WDR19: variants seen among roughly 807,000 people sequenced by gnomAD.
The protein encoded by WDR19 is WD repeat domain 19.
Under a neutral mutation model 180.0 loss-of-function variants are expected in WDR19, and 121 were observed. That is an observed-to-expected ratio of 0.67 (90% CI 0.58 to 0.78). The LOEUF (loss-of-function observed/expected upper bound fraction) is 0.78, where lower values mean the gene tolerates loss of function less well. Among genes scored for constraint, WDR19 ranks in the 30% least tolerant of loss-of-function variants. The pLI, the probability that WDR19 is intolerant of heterozygous loss-of-function variation, is 0.00. For synonymous variants in WDR19, 497 were observed against 540.7 expected, an observed-to-expected ratio of 0.92 and a Z score of 1.12; for missense variants, 1,450 against 1,640.7, an observed-to-expected ratio of 0.88 and a Z score of 2.01.
Position 39,266,403 on chromosome 4 carries a change from C to T in WDR19, c.3261+263C>T, listed in dbSNP as rs187063730. ...TAAAAAAAAAATCGCAAAAAAAACT[C>T]ATAATGTTTTAAGAAAGTTTACAAA... On this transcript the variant is annotated intron_variant, in intron 29 of 36. Coordinates refer to ENST00000399820, the MANE Select transcript of WDR19 (RefSeq NM_025132.4). Among the ~76,000 whole-genome samples, 436 of 152,248 alleles carry T rather than the reference C, an allele frequency of 2.9e-3. 4 individuals are homozygous for T. The highest frequency in any genetic ancestry group is 6.8e-3 in the Middle Eastern group (2 of 294).
chr4:39,185,900 T>G (rs968560136), intron 2 of WDR19, 83 bp downstream of exon 2: 4 of 908,888 alleles, frequency 4.4e-6, no homozygotes, highest in African/African-American at 2.3e-5. Flanking sequence ...TTTTTTGTTG[T>G]TGTTTTTTTT....
intron 19 of WDR19, among the ~76,000 whole-genome samples, chr4:39,232,560 G>A (rs1730988981): frequency 2.0e-5 from 3 of 152,072 alleles, no homozygotes; most frequent in Non-Finnish European, 2.9e-5. Context: ...GGGAGGTGGA[G>A]GTTGCAGTGA....
At chr4:39,216,317 T>C in intron 12 of WDR19, 107 bp downstream of exon 12, 1 of 870,398 alleles carries the variant, frequency 1.1e-6, no homozygotes, top group East Asian at 2.9e-5. Context: ...TCTTTTTTAT[T>C]CACATATCTC....
rs1428236221 is a variant in WDR19 at position 39,185,797 on chromosome 4, A to G, written c.78A>G (p.Gly26=). The part of the protein sequence containing the change: ...PIQFAWQKTS[G]NYLAVTGADY... ...AGTTTGCCTGGCAAAAAACATCAGG[A>G]AACTACCTTGCAGTAACAGGGTAAG... is the stretch of plus-strand genomic sequence containing the variant. Residue 26 remains glycine (G), a synonymous_variant, in exon 2 of 37, where the codon GGA becomes GGG. Coordinates refer to ENST00000399820, the MANE Select transcript of WDR19 (RefSeq NM_025132.4). 37 of 1,555,228 alleles carry G rather than the reference A, an allele frequency of 2.4e-5. No individual in the cohort carries two copies. Among genetic ancestry groups the G allele is most frequent in the Non-Finnish European group, 3.2e-5 (37 of 1,148,508 alleles).
At chr4:39,246,116 G>A (rs191555205) in intron 24 of WDR19, among the ~76,000 whole-genome samples, 287 of 152,280 alleles carry the variant, frequency 1.9e-3, no homozygotes, top group Non-Finnish European at 2.7e-3. Context: ...CTCACTAATA[G>A]TAATTAAATT....
intron 15 of WDR19, among the ~76,000 whole-genome samples, chr4:39,226,488 G>A (rs891508339): frequency 6.6e-6 from 1 of 152,142 alleles, no homozygotes; most frequent in African/African-American, 2.4e-5. Flanking sequence ...AAACAGTTCG[G>A]CCACTAGTCC....
intron 9 of WDR19, among the ~76,000 whole-genome samples, chr4:39,206,729 T>C (rs1309584917): frequency 6.6e-6 from 1 of 152,182 alleles, no homozygotes; most frequent in South Asian, 2.1e-4. Context: ...AACTGAGACA[T>C]AGATCATAGC....
At chr4:39,242,602 T>G (rs906727378) in intron 21 of WDR19, among the ~76,000 whole-genome samples, 1 of 152,118 alleles carries the variant, frequency 6.6e-6, no homozygotes, top group African/African-American at 2.4e-5. Flanking sequence ...GTGGGAGGAA[T>G]GCTTGACACC....
intron 4 of WDR19, among the ~76,000 whole-genome samples, chr4:39,190,690 A>G (rs761190051): frequency 6.6e-6 from 1 of 152,318 alleles, no homozygotes; most frequent in Middle Eastern, 3.4e-3. Flanking sequence ...GATACAACCT[A>G]GTGAGTGTAG....
chr4:39,268,596 G>C lies in WDR19; in HGVS notation c.3358+505G>C, dbSNP rs753296969. Among the ~76,000 whole-genome samples, 94 of 152,304 alleles carry C rather than the reference G, an allele frequency of 6.2e-4. 1 individual carries two copies. The highest frequency in any genetic ancestry group is 1.8e-3 in the Admixed American group (27 of 15,298). ...ATTGAGTGAGTAAGAGGATTAGTCT[G>C]ATATCTTCATTAATTTTTATGAGCT... On this transcript the variant is annotated intron_variant, in intron 30 of 36. Transcript: ENST00000399820.
At chr4:39,198,815 C>T (rs1727060699) in intron 5 of WDR19, among the ~76,000 whole-genome samples, 1 of 152,172 alleles carries the variant, frequency 6.6e-6, no homozygotes, top group African/African-American at 2.4e-5. Flanking sequence ...GCCTGGCCAA[C>T]ATGGTGAAAC....
intron 19 of WDR19, among the ~76,000 whole-genome samples, chr4:39,232,853 A>G (rs541324953): frequency 2.8e-4 from 42 of 152,318 alleles, no homozygotes; most frequent in Admixed American, 6.5e-4. Context: ...ATTAATTATA[A>G]TGTTAATCAT....
At chr4:39,207,843 T>C (rs1179105068) in intron 9 of WDR19, among the ~76,000 whole-genome samples, 1 of 152,058 alleles carries the variant, frequency 6.6e-6, no homozygotes, top group Non-Finnish European at 1.5e-5. Context: ...GTAAATATAA[T>C]AGACATTTTT....
At position 39,254,064 on chromosome 4, in the gene WDR19, A is replaced by G. The variant is rs573752591; in HGVS notation, c.3001+34A>G. The G allele has an allele frequency of 6.3e-5, 100 of 1,591,258 alleles. 2 individuals are homozygous for G. In the South Asian group the frequency reaches 9.3e-4, roughly 15 times the overall value. On this transcript the variant is annotated intron_variant, in intron 26 of 36. Coordinates refer to ENST00000399820, the MANE Select transcript of WDR19 (RefSeq NM_025132.4). ...CATTTTTTCCCTGGTTCTCTTCAAG[A>G]TGTTTATCATAAAAACACTTTGTCT...
At chr4:39,227,695 C>A (rs28439323) in intron 15 of WDR19, among the ~76,000 whole-genome samples, 9,309 of 152,172 alleles carry the variant, frequency 0.061, 947 homozygotes, top group African/African-American at 0.21. Context: ...ATCCTGGAAC[C>A]AATCCCTCAT....
chr4:39,191,759 C>T (rs1726169232), intron 4 of WDR19, among the ~76,000 whole-genome samples: 1 of 152,132 alleles, frequency 6.6e-6, no homozygotes, highest in South Asian at 2.1e-4. Context: ...ACTAGGTATC[C>T]TACTCAGTGT....
chr4:39,254,041 T>A lies in WDR19; in HGVS notation c.3001+11T>A. The stretch of plus-strand genomic sequence containing the variant: ...ATGCAGATATTATTGGTAAATATCA[T>A]TTTTTCCCTGGTTCTCTTCAAGATG... On this transcript the variant is annotated intron_variant, in intron 26 of 36. Transcript: ENST00000399820. 2 of 1,603,514 alleles carry A rather than the reference T, an allele frequency of 1.2e-6. No individual in the cohort carries two copies. Among genetic ancestry groups the A allele is most frequent in the South Asian group, 1.1e-5 (1 of 89,266 alleles).
intron 9 of WDR19, among the ~76,000 whole-genome samples, chr4:39,209,581 G>A (rs1219888473): frequency 1.3e-5 from 2 of 151,960 alleles, no homozygotes; most frequent in African/African-American, 2.4e-5. Flanking sequence ...GCATGGTGGT[G>A]CATGCCTATA....
intron 28 of WDR19, among the ~76,000 whole-genome samples, chr4:39,258,204 G>A (rs1733948465): frequency 6.6e-6 from 1 of 151,982 alleles, no homozygotes; most frequent in South Asian, 2.1e-4. Flanking sequence ...CCAGGCTGGA[G>A]TGCAGTGGTG....
Sources: gnomAD v4.1 joint callset for allele counts (sites outside exome capture counted in the v4.1 genomes callset) on GRCh38, gnomAD v4.1.1 for gene constraint, MANE v1.5 for transcripts, NCBI Gene and HGNC (gene_info 2026-07-23, HGNC 2026-07-21) for gene names.